TMCO4: variants seen among roughly 807,000 people sequenced by gnomAD.
TMCO4 encodes the protein transmembrane and coiled-coil domain-containing protein 4.
A neutral mutation model predicts 64.7 loss-of-function variants in TMCO4; 58 were observed. The ratio of observed to expected loss-of-function variants is 0.90; its 90% CI spans 0.73 to 1.12. The LOEUF is 1.12. TMCO4 is among the 50% of genes most tolerant of loss of function. The pLI, the probability that TMCO4 is intolerant of heterozygous loss-of-function variation, is 0.00. For missense variants in TMCO4, 780 were observed against 825.9 expected, an observed-to-expected ratio of 0.94 and a Z score of 0.68; for synonymous variants, 325 against 346.1, an observed-to-expected ratio of 0.94 and a Z score of 0.68.
chr1:19,702,501 G>A (rs549721272), intron 13 of TMCO4, among the ~76,000 whole-genome samples: 102 of 152,156 alleles, frequency 6.7e-4, no homozygotes, highest in African/African-American at 1.3e-3. Flanking sequence ...AGGCTGAGGC[G>A]CGAAAATTGC....
intron 6 of TMCO4, among the ~76,000 whole-genome samples, chr1:19,761,255 G>A (rs372368409): frequency 1.3e-5 from 2 of 152,174 alleles, no homozygotes; most frequent in African/African-American, 2.4e-5. Context: ...GGAGGGCCAC[G>A]AGCTAGCAGA....
intron 3 of TMCO4, among the ~76,000 whole-genome samples, chr1:19,784,392 T>C (rs1395969291): frequency 6.6e-6 from 1 of 151,948 alleles, no homozygotes; most frequent in African/African-American, 2.4e-5. Flanking sequence ...AAATTAACTG[T>C]GCATGGTTGG....
chr1:19,774,170 G>A (rs953496802), intron 4 of TMCO4, among the ~76,000 whole-genome samples: 1 of 152,206 alleles, frequency 6.6e-6, no homozygotes, highest in Non-Finnish European at 1.5e-5. Context: ...TTGGGGAGGG[G>A]ATGGCTAAGT....
chr1:19,748,018 T>C (rs111480191), intron 7 of TMCO4, among the ~76,000 whole-genome samples: 2,902 of 152,176 alleles, frequency 0.019, 49 homozygotes, highest in Non-Finnish European at 0.03. Context: ...AGAAGAAAAA[T>C]GGTTAATCTT....
rs1372862442 is a variant in TMCO4 at position 19,733,626 on chromosome 1, G to A, written c.1264+3746C>T. Among the ~76,000 whole-genome samples, 6 of 152,116 alleles carry A rather than the reference G, an allele frequency of 3.9e-5. No individual in the cohort carries two copies. The East Asian group carries it at 1.2e-3, about 29-fold the overall frequency. ...GGGGTGCCTGATCCCTTCCATATAG[G>A]GGCCTCATATATATATTTTGGGAAA... On this transcript the variant is annotated intron_variant, in intron 13 of 15. Coordinates refer to ENST00000294543, the MANE Select transcript of TMCO4 (RefSeq NM_181719.7).
In TMCO4 at chr1:19,740,956, G is replaced by C; in HGVS notation, c.878-15C>G. Reference sequence around the variant, plus strand: ...ACTGAAGGTGCCTGGGGAGATCACAGGTAGGTGAAGTCTCTCTTGTCTATG... The same window carrying C: ...ACTGAAGGTGCCTGGGGAGATCACACGTAGGTGAAGTCTCTCTTGTCTATG... On this transcript the variant is annotated splice_polypyrimidine_tract_variant and intron_variant, in intron 10 of 15. Transcript: ENST00000294543. 1 of 1,586,778 alleles carries C rather than the reference G, an allele frequency of 6.3e-7. No individual in the cohort carries two copies. The highest frequency in any genetic ancestry group is 8.6e-7 in the Non-Finnish European group (1 of 1,166,036).
intron 5 of TMCO4, among the ~76,000 whole-genome samples, chr1:19,770,799 C>A (rs1427443608): frequency 2.0e-5 from 3 of 152,212 alleles, no homozygotes; most frequent in African/African-American, 7.2e-5. Context: ...CACTTACTTT[C>A]CCTACCAACA....
intron 13 of TMCO4, among the ~76,000 whole-genome samples, chr1:19,702,888 T>A (rs919418493): frequency 6.6e-6 from 1 of 152,260 alleles, no homozygotes; most frequent in Non-Finnish European, 1.5e-5. Flanking sequence ...CAGATGGGCA[T>A]GTGGACCAGG....
At chr1:19,748,673 A>G (rs1007276929) in intron 7 of TMCO4, among the ~76,000 whole-genome samples, 4 of 151,990 alleles carry the variant, frequency 2.6e-5, no homozygotes, top group Admixed American at 6.6e-5. Flanking sequence ...AAAAACACAA[A>G]AATTAGCCAG....
chr1:19,768,309 C>T (rs753293304), intron 6 of TMCO4, among the ~76,000 whole-genome samples: 8 of 152,210 alleles, frequency 5.3e-5, no homozygotes, highest in Admixed American at 2.0e-4. Flanking sequence ...ATGTGCTGAG[C>T]TGCTGCCCTG....
intron 6 of TMCO4, among the ~76,000 whole-genome samples, chr1:19,761,146 G>C (rs2042484005): frequency 6.6e-6 from 1 of 152,198 alleles, no homozygotes; most frequent in Non-Finnish European, 1.5e-5. Flanking sequence ...GCTTAGGCCA[G>C]TGGCCAGGTT....
Position 19,755,709 on chromosome 1 carries a change from A to G in TMCO4, c.440T>C (p.Val147Ala), listed in dbSNP as rs746813593. The change falls in exon 7 of 16, where the codon GTG becomes GCG. Residue 147 changes from valine (V) to alanine (A), a missense_variant. By Grantham distance (64) the Val-to-Ala change is moderately conservative. Transcript: ENST00000294543. Reference protein sequence around the residue: ...LVCHMTSLLQVPLEELDVLEE... With the variant: ...LVCHMTSLLQAPLEELDVLEE... ...AAGGACATCCAGCTCCTCCAAGGGC[A>G]CTTGGAGCAGGGAGGTCATGTGGCA... 3 of 1,613,926 alleles carry G rather than the reference A, an allele frequency of 1.9e-6. No homozygotes were observed. The Admixed American group carries it at 5.0e-5, about 27-fold the overall frequency.
In TMCO4 at chr1:19,729,540, C is replaced by T. The variant is rs145162719; in HGVS notation, c.1264+7832G>A. Among the ~76,000 whole-genome samples, 823 of 151,662 alleles carry T rather than the reference C, an allele frequency of 5.4e-3. 10 individuals carry two copies. The highest frequency in any genetic ancestry group is 0.019 in the African/African-American group (770 of 41,422). ...CAGCACTTTGGGAGGCTAAGGTGGG[C>T]AGATCACCTGAGGTCAGGAGTTTGA... On this transcript the variant is annotated intron_variant, in intron 13 of 15. Coordinates refer to ENST00000294543, the MANE Select transcript of TMCO4 (RefSeq NM_181719.7).
At position 19,776,939 on chromosome 1, in the gene TMCO4, A is replaced by G. The variant is rs541681492; in HGVS notation, c.179+3641T>C. ...CTATTCAAGAAGCTGAGGCAAGAGA[A>G]TTGCTTGAATCCAGGAGGCAGAGGT... On this transcript the variant is annotated intron_variant, in intron 4 of 15. Transcript: ENST00000294543. Among the ~76,000 whole-genome samples the G allele has an allele frequency of 3.8e-4, 56 of 148,604 alleles. 1 individual carries two copies. Among genetic ancestry groups the G allele is most frequent in the African/African-American group, 1.4e-3 (56 of 40,716 alleles).
chr1:19,700,465 T>C (rs538100908), intron 14 of TMCO4, among the ~76,000 whole-genome samples: 3 of 152,316 alleles, frequency 2.0e-5, no homozygotes, highest in East Asian at 1.9e-4. Context: ...CCCATGTCCC[T>C]TCCCCCAGCT....
chr1:19,780,644 G>T lies in TMCO4; in HGVS notation c.115C>A (p.Arg39Ser), dbSNP rs573069859. 6.2e-7 allele frequency: 1 copy of T among 1,613,940 alleles called. No homozygotes were observed. The highest frequency in any genetic ancestry group is 1.7e-5 in the Admixed American group (1 of 59,986). Residue 39 changes from arginine (R) to serine (S), a missense_variant, in exon 4 of 16, where the codon CGC (arginine) becomes AGC (serine). Arg to Ser is a moderately radical substitution (Grantham distance 110). Transcript: ENST00000294543. ...CCACAGAGGGCAGCATAGGCGAAGCGGTTGGCCTCAGTCAGCTCCCGGCCC... is the reference window on the plus strand; with the variant it reads ...CCACAGAGGGCAGCATAGGCGAAGCTGTTGGCCTCAGTCAGCTCCCGGCCC... ...PTGRELTEAN[R>S]FAYAALCGIS...
At chr1:19,688,847 A>G (rs1333761650) in intron 15 of TMCO4, among the ~76,000 whole-genome samples, 2 of 152,192 alleles carry the variant, frequency 1.3e-5, no homozygotes, top group African/African-American at 2.4e-5. Context: ...GCCTTTTGCT[A>G]AGTTCTAGGC....
chr1:19,743,447 C>T lies in TMCO4; in HGVS notation c.877+2085G>A, dbSNP rs1038276594. On this transcript the variant is annotated intron_variant, in intron 10 of 15. Coordinates refer to ENST00000294543, the MANE Select transcript of TMCO4 (RefSeq NM_181719.7). This position sits in a 1 kb window ranked among gnomAD's most constrained non-coding sequence, Gnocchi z 4.1. ...GATGATAAGGCTTCTTTTCCTGGCT[C>T]TCGAGGAGGTAGGAATATGTGATAT... Among the ~76,000 whole-genome samples, 1 of 152,160 alleles carries T rather than the reference C, an allele frequency of 6.6e-6. No homozygotes were observed. The highest frequency in any genetic ancestry group is 1.5e-5 in the Non-Finnish European group (1 of 68,030).
At chr1:19,736,523 C>A (rs1172403807) in intron 13 of TMCO4, among the ~76,000 whole-genome samples, 2 of 152,190 alleles carry the variant, frequency 1.3e-5, no homozygotes, top group Non-Finnish European at 2.9e-5. Flanking sequence ...CTACCTTCCA[C>A]TGAGAGGAGG....
Sources: gnomAD v4.1 joint callset for allele counts (sites outside exome capture counted in the v4.1 genomes callset) on GRCh38, gnomAD v4.1.1 for gene constraint, Gnocchi (gnomAD v3.1) non-coding constraint, MANE v1.5 for transcripts, NCBI Gene and HGNC (gene_info 2026-07-23, HGNC 2026-07-21) for gene names.